KDM4A: variants seen among roughly 807,000 people sequenced by gnomAD.
KDM4A encodes lysine-specific demethylase 4A.
A neutral mutation model predicts 127.1 loss-of-function variants in KDM4A; 23 were observed. The observed-to-expected ratio is 0.18, with a 90% CI of 0.13 to 0.26. The LOEUF (loss-of-function observed/expected upper bound fraction) is 0.26, where lower values mean the gene tolerates loss of function less well. Among genes scored for constraint, KDM4A ranks in the 10% least tolerant of loss-of-function variants. The pLI is 1.00. For missense variants in KDM4A, 890 were observed against 1,329.1 expected (o/e 0.67, Z 5.14); for synonymous variants, 443 against 466.5 (o/e 0.95, Z 0.65).
Position 43,690,899 on chromosome 1 carries a change from C to A in KDM4A, c.2092C>A (p.Gln698Lys). The A allele has an allele frequency of 1.9e-6, 3 of 1,614,234 alleles. No homozygotes were observed. The highest frequency in any genetic ancestry group is 2.5e-6 in the Non-Finnish European group (3 of 1,180,040). The change falls in exon 14 of 22, where the codon CAG (glutamine) becomes AAG (lysine). Residue 698 changes from glutamine to lysine, a missense_variant. Around this residue, in one of 7 missense-constraint regions of KDM4A, gnomAD observed 389 missense variants for 485.9 expected, o/e 0.80. Transcript: ENST00000372396. ...TGGAAATGCTTCAGATTTAGCCCCC[C>A]AGAAGCAGAGGACCAAGCCATTGAT... The part of the protein sequence containing the change: ...NCGNASDLAP[Q>K]KQRTKPLIPE...
In KDM4A at chr1:43,682,434, T is replaced by C. The variant is rs534851146; in HGVS notation, c.1735-1250T>C. ...TATAGTTCCGGTCTGATTAAGTCTA[T>C]GGTCATGTAAGTCTTCATGGACATC... On this transcript the variant is annotated intron_variant, in intron 11 of 21. Transcript: ENST00000372396. Among the ~76,000 whole-genome samples the C allele has an allele frequency of 2.6e-5, 4 of 152,320 alleles. No individual in the cohort carries two copies. In the East Asian group the frequency reaches 7.7e-4, roughly 29 times the overall value.
intron 3 of KDM4A, among the ~76,000 whole-genome samples, chr1:43,656,947 A>G (rs1350445786): frequency 6.6e-6 from 1 of 151,680 alleles, no homozygotes; most frequent in Non-Finnish European, 1.5e-5. Context: ...CTGTCACCCA[A>G]GTTGGAGTGT....
Position 43,704,377 on chromosome 1 carries a change from C to T in KDM4A, c.*7C>T. ...CCGGGCCATCATGGAGTAGGTGCTTCCAGGGTCCAAGGGATTCTCAGCCAT... is the reference window on the plus strand; with the variant it reads ...CCGGGCCATCATGGAGTAGGTGCTTTCAGGGTCCAAGGGATTCTCAGCCAT... On this transcript the variant is annotated 3_prime_UTR_variant, in exon 22 of 22. Coordinates refer to ENST00000372396, the MANE Select transcript of KDM4A (RefSeq NM_014663.3). 6.2e-7 allele frequency: 1 copy of T among 1,612,492 alleles called. No individual in the cohort carries two copies. Among genetic ancestry groups the T allele is most frequent in the Non-Finnish European group, 8.5e-7 (1 of 1,179,396 alleles).
At position 43,688,947 on chromosome 1, in the gene KDM4A, C is replaced by T; in HGVS notation, c.1889C>T (p.Ala630Val). ...TSEQLTPEEE[A>V]EETEAWAKPL... The stretch of plus-strand genomic sequence containing the variant: ...GAACAGCTGACCCCTGAGGAAGAGG[C>T]TGAGGAGACAGAGGCCTGGGCCAAG... Residue 630 changes from alanine (A) to valine (V), a missense_variant, in exon 13 of 22, where the codon GCT becomes GTT. This residue lies in a region of KDM4A where 389 missense variants were observed against 485.9 expected (regional missense o/e 0.80). Coordinates refer to ENST00000372396, the MANE Select transcript of KDM4A (RefSeq NM_014663.3). This position sits in a 1 kb window ranked among gnomAD's most constrained non-coding sequence, Gnocchi z 4.4. 6.2e-7 allele frequency: 1 copy of T among 1,614,194 alleles called. No homozygotes were observed. Among genetic ancestry groups the T allele is most frequent in the Non-Finnish European group, 8.5e-7 (1 of 1,180,026 alleles).
At chr1:43,675,139 A>T (rs972310890) in intron 11 of KDM4A, among the ~76,000 whole-genome samples, 2 of 152,206 alleles carry the variant, frequency 1.3e-5, no homozygotes, top group Non-Finnish European at 2.9e-5. Context: ...CCTAATAAAT[A>T]ACCCTCTCTG....
chr1:43,669,649 A>AT (rs35764940), intron 10 of KDM4A, among the ~76,000 whole-genome samples: 6,930 of 141,164 alleles, frequency 0.049, 539 homozygotes, highest in African/African-American at 0.16. Flanking sequence ...GGAGATGGGA[A>AT]TTTTTTTTTT....
At chr1:43,681,780 T>C (rs1660864995) in intron 11 of KDM4A, among the ~76,000 whole-genome samples, 1 of 152,228 alleles carries the variant, frequency 6.6e-6, no homozygotes, top group Admixed American at 6.5e-5. Flanking sequence ...ACTTTGTTTT[T>C]ATCTTAACCT....
chr1:43,697,236 G>A (rs3791039), intron 18 of KDM4A, among the ~76,000 whole-genome samples: 49,305 of 152,204 alleles, frequency 0.32, 9,318 homozygotes, highest in East Asian at 0.49. Context: ...AGGCTAGCAG[G>A]CGTGCTTGGA....
rs756819964 is a variant in KDM4A, at chr1:43,683,672, T to C, written c.1735-12T>C. The C allele has an allele frequency of 5.6e-6, 9 of 1,610,632 alleles. No homozygotes were observed. The highest frequency in any genetic ancestry group is 7.6e-6 in the Non-Finnish European group (9 of 1,178,060). On this transcript the variant is annotated splice_polypyrimidine_tract_variant and intron_variant, in intron 11 of 21. Coordinates refer to ENST00000372396, the MANE Select transcript of KDM4A (RefSeq NM_014663.3). ...GAGACAAGACCAATTTAATTTCTTGTGGTTTGCCCAGGTTGCAGATGAATA... is the reference window on the plus strand; with the variant it reads ...GAGACAAGACCAATTTAATTTCTTGCGGTTTGCCCAGGTTGCAGATGAATA...
rs1553234800 is a variant in KDM4A, at chr1:43,697,829, C to G, written c.2671-14C>G. 2 of 1,609,472 alleles carry G rather than the reference C, an allele frequency of 1.2e-6. No individual in the cohort carries two copies. The highest frequency in any genetic ancestry group is 1.7e-6 in the Non-Finnish European group (2 of 1,177,870). ...CTCCACGTGTGAGTAACCAAAGCCT[C>G]TGTTTTTTTCCAGCGTGCCAAGGGG... is the stretch of plus-strand genomic sequence containing the variant. On this transcript the variant is annotated splice_polypyrimidine_tract_variant and intron_variant, in intron 18 of 21. Coordinates refer to ENST00000372396, the MANE Select transcript of KDM4A (RefSeq NM_014663.3).
At chr1:43,691,375 C>T in intron 14 of KDM4A, 121 bp from the exon 15 acceptor site, 1 of 887,020 alleles carries the variant, frequency 1.1e-6, no homozygotes, top group Admixed American at 1.8e-5. Context: ...CTAAAGAAAA[C>T]TAAGGGGTTT....
chr1:43,690,267 G>A (rs144329099), intron 13 of KDM4A, among the ~76,000 whole-genome samples: 313 of 152,230 alleles, frequency 2.1e-3, no homozygotes, highest in African/African-American at 7.4e-3. Context: ...TGGGGTCACC[G>A]CACAGTGTAG....
intron 2 of KDM4A, among the ~76,000 whole-genome samples, chr1:43,654,107 T>A (rs1300520163): frequency 6.6e-6 from 1 of 152,210 alleles, no homozygotes; most frequent in South Asian, 2.1e-4. Context: ...ATCCTCTTTC[T>A]TATCTGCAGA....
chr1:43,704,193 G>T, intron 21 of KDM4A, 37 bp from the exon 22 acceptor site: 1 of 1,613,894 alleles, frequency 6.2e-7, no homozygotes, highest in Non-Finnish European at 8.5e-7. Context: ...TATTGTTCCT[G>T]GGGTAGCTGA....
At chr1:43,678,260 G>A (rs1427521279) in intron 11 of KDM4A, among the ~76,000 whole-genome samples, 1 of 152,142 alleles carries the variant, frequency 6.6e-6, no homozygotes. Flanking sequence ...TGGTCTGTGG[G>A]TGTGGGAGTC....
chr1:43,704,517 C>T lies in KDM4A; in HGVS notation c.*147C>T. 1 of 859,148 alleles carries T rather than the reference C, an allele frequency of 1.2e-6. No homozygotes were observed. Among genetic ancestry groups the T allele is most frequent in the East Asian group, 2.5e-5 (1 of 40,084 alleles). 53.2% of individuals were successfully genotyped at this position (859,148 alleles called of 1,614,324 possible). A position where few individuals can be genotyped will look rare whatever the true frequency, so the allele number is the denominator to read the frequency against. ...ATAACCGACCCATCATCTTCTCACC[C>T]ACCCTCATTGCATTCCGCTGTAGTG... is the stretch of plus-strand genomic sequence containing the variant. On this transcript the variant is annotated 3_prime_UTR_variant, in exon 22 of 22. Coordinates refer to ENST00000372396, the MANE Select transcript of KDM4A (RefSeq NM_014663.3).
At chr1:43,670,340 C>G (rs1196683640) in intron 10 of KDM4A, among the ~76,000 whole-genome samples, 1 of 152,098 alleles carries the variant, frequency 6.6e-6, no homozygotes, top group Admixed American at 6.5e-5. Flanking sequence ...TCCCTTTTTT[C>G]TCTTCAAATT....
intron 12 of KDM4A, among the ~76,000 whole-genome samples, chr1:43,685,090 G>A (rs1177552099): frequency 1.3e-5 from 2 of 152,070 alleles, no homozygotes; most frequent in East Asian, 1.9e-4. Context: ...TAATGAGGCC[G>A]ATCTTGGGGA....
intron 5 of KDM4A, among the ~76,000 whole-genome samples, chr1:43,664,367 G>T (rs1660453661): frequency 6.6e-6 from 1 of 152,044 alleles, no homozygotes; most frequent in Non-Finnish European, 1.5e-5. Flanking sequence ...AGGAGTTGGA[G>T]ACCAGCCTGG....
Sources: gnomAD v4.1 joint callset for allele counts (sites outside exome capture counted in the v4.1 genomes callset) on GRCh38, gnomAD v4.1.1 for gene constraint, gnomAD v4.1.1 regional missense constraint, Gnocchi (gnomAD v3.1) non-coding constraint, MANE v1.5 for transcripts, NCBI Gene and HGNC (gene_info 2026-07-23, HGNC 2026-07-21) for gene names.